Variants in DCDC2 observed in about 807,000 individuals in gnomAD.
DCDC2 encodes doublecortin domain-containing protein 2.
A neutral mutation model predicts 50.2 loss-of-function variants in DCDC2; 40 were observed. That is an observed-to-expected ratio of 0.80 (90% CI 0.62 to 1.04). The LOEUF (loss-of-function observed/expected upper bound fraction) is 1.04, where lower values mean the gene tolerates loss of function less well. Ranked by LOEUF, DCDC2 falls within the 50% of genes least tolerant of loss-of-function variation. The probability of loss-of-function intolerance (pLI) is 0.00; values close to 1 mark genes in which losing one functional copy is unlikely to be tolerated. For synonymous variants in DCDC2, 234 were observed against 210.6 expected (o/e 1.11, Z -0.96); for missense variants, 570 against 581.9 (o/e 0.98, Z 0.21).
chr6:24,178,779 G>T, intron 8 of DCDC2, 147 bp from the exon 9 acceptor site: 3 of 714,264 alleles, frequency 4.2e-6, no homozygotes, highest in South Asian at 1.9e-5. Flanking sequence ...ACGCACTTAC[G>T]TTTACTGAGT....
chr6:24,238,347 G>A (rs1686584569), intron 7 of DCDC2, among the ~76,000 whole-genome samples: 1 of 151,048 alleles, frequency 6.6e-6, no homozygotes, highest in Admixed American at 6.6e-5. Context: ...TGCCCAGGCT[G>A]GAGTGTGGTG....
At chr6:24,225,741 AC>A (rs1287191042) in intron 7 of DCDC2, among the ~76,000 whole-genome samples, 1 of 152,210 alleles carries the variant, frequency 6.6e-6, no homozygotes, top group Admixed American at 6.5e-5. Context: ...ATGTCCTGAG[AC>A]TATAGCTCTT....
Position 24,222,485 on chromosome 6 carries a change from A to C in DCDC2, c.923-17383T>G, listed in dbSNP as rs374899934. Among the ~76,000 whole-genome samples the C allele has an allele frequency of 2.6e-5, 4 of 152,348 alleles. No individual in the cohort carries two copies. The South Asian group carries it at 6.2e-4, about 24-fold the overall frequency. ...CCTTCTGTAAAAGGCATAATTGCCA[A>C]AATAACCACAGGTTTAATACCTGAT... is the stretch of plus-strand genomic sequence containing the variant. On this transcript the variant is annotated intron_variant, in intron 7 of 9. Coordinates refer to ENST00000378454, the MANE Select transcript of DCDC2 (RefSeq NM_016356.5).
intron 2 of DCDC2, among the ~76,000 whole-genome samples, chr6:24,342,269 A>C (rs1443348523): frequency 6.6e-6 from 1 of 152,148 alleles, no homozygotes; most frequent in Non-Finnish European, 1.5e-5. Flanking sequence ...TATTCCTCAA[A>C]CCCTTTACTT....
chr6:24,362,003 T>C (rs928987356), upstream of DCDC2, among the ~76,000 whole-genome samples: 1 of 152,186 alleles, frequency 6.6e-6, no homozygotes, highest in Non-Finnish European at 1.5e-5. Context: ...ATATGGCCAA[T>C]TTCCAGATGC....
At chr6:24,344,180 T>C (rs1581662758) in intron 2 of DCDC2, among the ~76,000 whole-genome samples, 1 of 152,252 alleles carries the variant, frequency 6.6e-6, no homozygotes, top group South Asian at 2.1e-4. Flanking sequence ...GTTTGACTTT[T>C]TAGATTCCAC....
At chr6:24,337,772 T>C (rs1760084089) in intron 2 of DCDC2, among the ~76,000 whole-genome samples, 1 of 134,548 alleles carries the variant, frequency 7.4e-6, no homozygotes, top group African/African-American at 2.8e-5. Context: ...TACTCCAGCC[T>C]GGGCCATAGA....
At chr6:24,371,877 C>T in the DCDC2 span, among the ~76,000 whole-genome samples, 1 of 152,308 alleles carries the variant, frequency 6.6e-6, no homozygotes, top group East Asian at 1.9e-4. Flanking sequence ...AAAAAATGCT[C>T]ATCATCACTG....
Position 24,173,255 on chromosome 6 carries a change from T to C in DCDC2, c.*1475A>G, listed in dbSNP as rs1167890545. 2 of 151,914 alleles carry C rather than the reference T, an allele frequency of 1.3e-5. No homozygotes were observed. Among genetic ancestry groups the C allele is most frequent in the Non-Finnish European group, 2.9e-5 (2 of 67,958 alleles). 9.4% of individuals were successfully genotyped at this position (151,914 alleles called of 1,614,324 possible). ...GTTTACACTTCTGATCTGTGGAAAA[T>C]ACCAAAATCATATTAAGAAAAAACA... On this transcript the variant is annotated 3_prime_UTR_variant, in exon 10 of 10. Transcript: ENST00000378454.
chr6:24,214,655 A>G (rs793844), intron 7 of DCDC2, among the ~76,000 whole-genome samples: 2,603 of 152,322 alleles, frequency 0.017, 63 homozygotes, highest in African/African-American at 0.058. Flanking sequence ...TAAAAATTAC[A>G]CTGCAAATTA....
chr6:24,366,963 G>A, the DCDC2 span, among the ~76,000 whole-genome samples: 1 of 151,848 alleles, frequency 6.6e-6, no homozygotes, highest in Non-Finnish European at 1.5e-5. Context: ...CTCCTTAGTA[G>A]CTAGGATTAC....
intron 2 of DCDC2, among the ~76,000 whole-genome samples, chr6:24,314,029 TCAC>T (rs1395158351): frequency 6.6e-6 from 1 of 152,186 alleles, no homozygotes; most frequent in Non-Finnish European, 1.5e-5. Context: ...GGCAGTCACT[TCAC>T]CAATATGGGT....
chr6:24,343,091 C>A (rs1274856493), intron 2 of DCDC2, among the ~76,000 whole-genome samples: 3 of 141,164 alleles, frequency 2.1e-5, no homozygotes, highest in Non-Finnish European at 3.0e-5. Flanking sequence ...CTCTTTCTGT[C>A]GCCCATACTG....
chr6:24,358,499 C>T (rs1760526067), upstream of DCDC2, among the ~76,000 whole-genome samples: 1 of 137,864 alleles, frequency 7.3e-6, no homozygotes, highest in African/African-American at 2.9e-5. Flanking sequence ...CAGCCTGACC[C>T]GGTCTCTACA....
intron 2 of DCDC2, among the ~76,000 whole-genome samples, chr6:24,351,961 A>G (rs1373727415): frequency 2.6e-5 from 4 of 152,032 alleles, no homozygotes; most frequent in African/African-American, 9.7e-5. Flanking sequence ...AAAATTAGCC[A>G]GGTGTGGTGG....
intron 7 of DCDC2, among the ~76,000 whole-genome samples, chr6:24,270,869 G>A (rs1398416077): frequency 6.6e-6 from 1 of 152,024 alleles, no homozygotes; most frequent in African/African-American, 2.4e-5. Flanking sequence ...TCAGTCTTTG[G>A]TATGCCAGAA....
rs898367635 is a variant in DCDC2, at chr6:24,173,808, A to T, written c.*922T>A. The T allele has an allele frequency of 6.6e-6, 1 of 152,132 alleles. No individual in the cohort carries two copies. Among genetic ancestry groups the T allele is most frequent in the Non-Finnish European group, 1.5e-5 (1 of 68,032 alleles). 9.4% of individuals were successfully genotyped at this position (152,132 alleles called of 1,614,324 possible). Reference sequence around the variant, plus strand: ...AACAAGTTAAATTGAGCAGTCACAAACTCTTCATATAGTCTACTTTTTTCT... The same window carrying T: ...AACAAGTTAAATTGAGCAGTCACAATCTCTTCATATAGTCTACTTTTTTCT... On this transcript the variant is annotated 3_prime_UTR_variant, in exon 10 of 10. Coordinates refer to ENST00000378454, the MANE Select transcript of DCDC2 (RefSeq NM_016356.5).
At chr6:24,378,364 G>C in the DCDC2 span, among the ~76,000 whole-genome samples, 1 of 152,092 alleles carries the variant, frequency 6.6e-6, no homozygotes, top group Non-Finnish European at 1.5e-5. Flanking sequence ...GCAGAGAGCA[G>C]AGAGTGTCTG....
intron 7 of DCDC2, among the ~76,000 whole-genome samples, chr6:24,209,027 T>A (rs9467076): frequency 1.3e-5 from 2 of 152,072 alleles, no homozygotes; most frequent in Non-Finnish European, 2.9e-5. Context: ...TTAAAATCAT[T>A]TGATGCCAAA....
Sources: allele counts gnomAD v4.1 joint callset (sites outside exome capture counted in the v4.1 genomes callset), GRCh38; gene constraint gnomAD v4.1.1; transcripts MANE v1.5; gene names NCBI Gene and HGNC (gene_info 2026-07-23, HGNC 2026-07-21).